The following ANKS1A variants were observed in gnomAD, a reference collection of about 807,000 sequenced individuals.
The protein encoded by ANKS1A is ankyrin repeat and SAM domain-containing protein 1A.
ANKS1A carries 55 observed loss-of-function variants against 120.3 expected under a neutral mutation model. That is an observed-to-expected ratio of 0.46 (90% CI 0.37 to 0.57). The LOEUF (loss-of-function observed/expected upper bound fraction) is 0.57. Ranked by LOEUF, ANKS1A falls within the 20% of genes least tolerant of loss-of-function variation. The pLI, the probability that ANKS1A is intolerant of heterozygous loss-of-function variation, is 0.00. For synonymous variants in ANKS1A, 590 were observed against 604.7 expected, an observed-to-expected ratio of 0.98 and a Z score of 0.36; for missense variants, 1,123 against 1,480.3, an observed-to-expected ratio of 0.76 and a Z score of 3.96.
chr6:35,072,785 G>A (rs1024437176), intron 13 of ANKS1A, among the ~76,000 whole-genome samples: 2 of 152,222 alleles, frequency 1.3e-5, no homozygotes, highest in African/African-American at 4.8e-5. Context: ...GGGATTCTAC[G>A]GAGGGAGGCA....
intron 13 of ANKS1A, among the ~76,000 whole-genome samples, chr6:35,068,560 C>G (rs1776909491): frequency 6.6e-6 from 1 of 152,198 alleles, no homozygotes; most frequent in Non-Finnish European, 1.5e-5. Flanking sequence ...CCCTTGTGGC[C>G]TAATTTGCAA....
intron 10 of ANKS1A, among the ~76,000 whole-genome samples, chr6:35,003,859 T>C (rs1164235031): frequency 6.6e-6 from 1 of 152,180 alleles, no homozygotes; most frequent in Non-Finnish European, 1.5e-5. Context: ...TGTTTTATAT[T>C]GTTTTATACT....
In ANKS1A at chr6:35,024,733, T is replaced by C. The variant is rs1774521119; in HGVS notation, c.2010+6674T>C. 2.0e-5 allele frequency among the ~76,000 whole-genome samples: 3 copies of C among 152,196 alleles called. 1 individual carries two copies. In the South Asian group the frequency reaches 6.2e-4, roughly 32 times the overall value. Reference sequence around the variant, plus strand: ...GAAGTGGCCTCGCCACCTCGCCCTTTCCAGCTCTTTCTCATTAGAGGCATG... The same window carrying C: ...GAAGTGGCCTCGCCACCTCGCCCTTCCCAGCTCTTTCTCATTAGAGGCATG... On this transcript the variant is annotated intron_variant, in intron 11 of 23. Transcript: ENST00000360359.
Position 35,083,397 on chromosome 6 carries a change from C to T in ANKS1A, c.2908-20C>T. The T allele has an allele frequency of 6.2e-7, 1 of 1,611,698 alleles. No homozygotes were observed. Among genetic ancestry groups the T allele is most frequent in the Non-Finnish European group, 8.5e-7 (1 of 1,177,830 alleles). On this transcript the variant is annotated intron_variant, in intron 19 of 23. Coordinates refer to ENST00000360359, the MANE Select transcript of ANKS1A (RefSeq NM_015245.3). The stretch of plus-strand genomic sequence containing the variant: ...GCCCTGAGAAGGGGCACTGACAGGG[C>T]CACCCCTTGTTTCCTGTAGAAATCT...
intron 1 of ANKS1A, among the ~76,000 whole-genome samples, chr6:34,943,500 A>G (rs952176335): frequency 6.6e-6 from 1 of 152,190 alleles, no homozygotes; most frequent in Non-Finnish European, 1.5e-5. Context: ...CAAATGCCTC[A>G]TGTCATATAT....
chr6:35,083,116 G>A lies in ANKS1A; in HGVS notation c.2836-39G>A, dbSNP rs374715116. 277 of 1,610,078 alleles carry A rather than the reference G, an allele frequency of 1.7e-4. 2 individuals carry two copies. Among genetic ancestry groups the A allele is most frequent in the Middle Eastern group, 5.0e-4 (3 of 6,048 alleles). On this transcript the variant is annotated intron_variant, in intron 18 of 23. Transcript: ENST00000360359. Reference sequence around the variant, plus strand: ...GGTTGGGTCACCCCTGCATGGAAACGCAGGATTTCCTAAGCCTGGCCACTG... The same window carrying A: ...GGTTGGGTCACCCCTGCATGGAAACACAGGATTTCCTAAGCCTGGCCACTG...
chr6:35,084,672 G>T lies in ANKS1A; in HGVS notation c.3132+414G>T, dbSNP rs1777870849. ...TTTTCTTAGGTCAGGCAAGGCCTTT[G>T]TTTCCCCCGGCTCCCTGCCCTAGGT... On this transcript the variant is annotated intron_variant, in intron 21 of 23. Transcript: ENST00000360359. The surrounding 1 kb of genome is among the most constrained non-coding windows in gnomAD (Gnocchi z 4.8). Among the ~76,000 whole-genome samples the T allele has an allele frequency of 6.6e-6, 1 of 152,126 alleles. No homozygotes were observed. Among genetic ancestry groups the T allele is most frequent in the South Asian group, 2.1e-4 (1 of 4,826 alleles).
Position 35,044,177 on chromosome 6 carries a change from G to A in ANKS1A, c.2011-9922G>A, listed in dbSNP as rs187711235. Reference sequence around the variant, plus strand: ...TGGAAGCAGAAGACCATGGGTGTGCGGGAGCAAGCCTGCCCAGTGTGGACA... The same window carrying A: ...TGGAAGCAGAAGACCATGGGTGTGCAGGAGCAAGCCTGCCCAGTGTGGACA... On this transcript the variant is annotated intron_variant, in intron 11 of 23. Transcript: ENST00000360359. The surrounding 1 kb of genome is among the most constrained non-coding windows in gnomAD (Gnocchi z 4.4). 5.6e-4 allele frequency among the ~76,000 whole-genome samples: 86 copies of A among 152,348 alleles called. 1 individual carries two copies. The highest frequency in any genetic ancestry group is 3.4e-3 in the Middle Eastern group (1 of 294).
At chr6:35,094,739 AAC>A (rs1313184317), downstream of ANKS1A, among the ~76,000 whole-genome samples, 1 of 152,182 alleles carries the variant, frequency 6.6e-6, no homozygotes, top group Non-Finnish European at 1.5e-5. Flanking sequence ...CAATCTGAAC[AAC>A]AGAGAGAAAA....
rs1236786174 is a variant in ANKS1A, at chr6:34,982,311, C to CA, written c.732+326dup. 1.3e-5 allele frequency among the ~76,000 whole-genome samples: 2 copies of CA among 152,222 alleles called. No individual in the cohort carries two copies. The highest frequency in any genetic ancestry group is 2.9e-5 in the Non-Finnish European group (2 of 68,034). On this transcript the variant is annotated intron_variant, in intron 4 of 23. Transcript: ENST00000360359. The surrounding 1 kb of genome is among the most constrained non-coding windows in gnomAD (Gnocchi z 4.9). ...CCACTGCCACCATTTAGCGCCTCCA[C>CA]AGTCTCATCAGCTTGACGTTGCCAG...
chr6:34,998,895 G>A (rs1002229104), intron 10 of ANKS1A, among the ~76,000 whole-genome samples: 1 of 152,212 alleles, frequency 6.6e-6, no homozygotes, highest in Non-Finnish European at 1.5e-5. Flanking sequence ...CAGCTCCTTA[G>A]GCGACTTTAG....
chr6:34,983,214 G>T lies in ANKS1A; in HGVS notation c.910G>T (p.Asp304Tyr). ...KSQQIAALIE[D>Y]HMTGKRSTKE... ...CCAGCAAATAGCAGCATTAATTGAA[G>T]GTATCATCCTTTCTCCCTGTCTGGG... The change falls in exon 6 of 24, where the codon GAT becomes TAT. Residue 304 changes from aspartate (D) to tyrosine (Y), a missense_variant and splice_region_variant. Physicochemically the swap from Asp to Tyr is radical, Grantham distance 160 (BLOSUM62 -3). Transcript: ENST00000360359. The T allele has an allele frequency of 6.2e-7, 1 of 1,614,016 alleles. No individual in the cohort carries two copies. The highest frequency in any genetic ancestry group is 1.1e-5 in the South Asian group (1 of 91,068).
intron 13 of ANKS1A, among the ~76,000 whole-genome samples, chr6:35,077,149 A>C (rs1201166450): frequency 1.3e-5 from 2 of 152,202 alleles, no homozygotes; most frequent in Non-Finnish European, 2.9e-5. Flanking sequence ...GGCGTCACTA[A>C]GAAGAGCAGA....
downstream of ANKS1A, among the ~76,000 whole-genome samples, chr6:35,095,250 G>C (rs150380528): frequency 1.1e-3 from 173 of 151,456 alleles, 1 homozygote; most frequent in Admixed American, 9.2e-3. Flanking sequence ...TCCCAAACCA[G>C]ATAAACTCTG....
chr6:34,900,566 C>T (rs963178272), intron 1 of ANKS1A, among the ~76,000 whole-genome samples: 16 of 152,006 alleles, frequency 1.1e-4, no homozygotes, highest in African/African-American at 2.9e-4. Context: ...GTTAGAATTA[C>T]AAGCATGAGC....
chr6:35,054,160 T>G lies in ANKS1A; in HGVS notation c.2072T>G (p.Ile691Ser). The change falls in exon 12 of 24, where the codon ATC becomes AGC. Residue 691 changes from isoleucine to serine, a missense_variant. By Grantham distance (142) the Ile-to-Ser change is moderately radical. Transcript: ENST00000360359. ...GACTTTTCTCAGGAACGGCAGAAGA[T>G]CTCAGGTACCGTACTAAGTGGCCAT... ...GIDFSQERQK[I>S]SGLRTLEQSV... The G allele has an allele frequency of 6.2e-7, 1 of 1,613,982 alleles. No individual in the cohort carries two copies. The highest frequency in any genetic ancestry group is 8.5e-7 in the Non-Finnish European group (1 of 1,179,894).
At chr6:34,895,676 T>C (rs1053694441) in intron 1 of ANKS1A, among the ~76,000 whole-genome samples, 1 of 151,784 alleles carries the variant, frequency 6.6e-6, no homozygotes, top group Non-Finnish European at 1.5e-5. Flanking sequence ...TCTAAGAGAA[T>C]GCAAAAACAA....
At chr6:34,926,587 C>G (rs1768728849) in intron 1 of ANKS1A, among the ~76,000 whole-genome samples, 1 of 152,180 alleles carries the variant, frequency 6.6e-6, no homozygotes, top group South Asian at 2.1e-4. Flanking sequence ...CAGACAAAGA[C>G]AGACAAAGTG....
intron 1 of ANKS1A, among the ~76,000 whole-genome samples, chr6:34,931,652 G>A (rs144541105): frequency 9.0e-4 from 137 of 152,280 alleles, no homozygotes; most frequent in African/African-American, 3.1e-3. Context: ...GTTAGAGGAG[G>A]GAAATTGCTG....
Sources: allele counts gnomAD v4.1 joint callset (sites outside exome capture counted in the v4.1 genomes callset), GRCh38; gene constraint gnomAD v4.1.1; non-coding constraint Gnocchi (gnomAD v3.1); transcripts MANE v1.5; gene names NCBI Gene and HGNC (gene_info 2026-07-23, HGNC 2026-07-21).